The following JRK variants were observed in gnomAD, a reference collection of about 807,000 sequenced individuals.
JRK encodes jerky protein homolog.
For synonymous variants in JRK, 303 were observed against 218.1 expected, an observed-to-expected ratio of 1.39 and a Z score of -3.43; for missense variants, 720 against 509.2, an observed-to-expected ratio of 1.41 and a Z score of -3.98.
chr8:142,664,008 T>C lies in JRK; in HGVS notation c.*344A>G, dbSNP rs1847000676. 2 of 1,094,190 alleles carry C rather than the reference T, an allele frequency of 1.8e-6. No individual in the cohort carries two copies. Among genetic ancestry groups the C allele is most frequent in the African/African-American group, 3.3e-5 (2 of 61,256 alleles). The allele number at this position is 1,094,190 out of a possible 1,614,324, so 67.8% of individuals were successfully genotyped here. The stretch of plus-strand genomic sequence containing the variant: ...GACTGACATCTCCACCCTCTGATAC[T>C]GCAATGATCAGCCAGCGAACACGAG... On this transcript the variant is annotated 3_prime_UTR_variant, in exon 2 of 2. Transcript: ENST00000612905.
In JRK at chr8:142,665,407, C is replaced by A. The variant is rs984310022; in HGVS notation, c.652G>T (p.Val218Leu). 2 of 717,600 alleles carry A rather than the reference C, an allele frequency of 2.8e-6. No individual in the cohort carries two copies. Among genetic ancestry groups the A allele is most frequent in the Non-Finnish European group, 5.2e-6 (2 of 385,086 alleles). 44.5% of individuals were successfully genotyped at this position (717,600 alleles called of 1,614,324 possible). A position where few individuals can be genotyped will look rare whatever the true frequency, so the allele number is the denominator to read the frequency against. Reference sequence around the variant, plus strand: ...CCCGTGGCGTTGGCACACATCAGCACGGTCAGCCGGTCCTTGCCCTGCTTG... The same window carrying A: ...CCCGTGGCGTTGGCACACATCAGCAAGGTCAGCCGGTCCTTGCCCTGCTTG... Reference protein sequence around the residue: ...GPKQGKDRLTVLMCANATGSH... With the variant: ...GPKQGKDRLTLLMCANATGSH... The change falls in exon 2 of 2, where the codon GTG (valine) becomes TTG (leucine). Residue 218 changes from valine to leucine, a missense_variant. Physicochemically the swap from Val to Leu is conservative, Grantham distance 32 (BLOSUM62 1). Transcript: ENST00000612905.
At position 142,666,016 on chromosome 8, in the gene JRK, G is replaced by A. The variant is rs782664860; in HGVS notation, c.43C>T (p.Arg15Trp). The A allele has an allele frequency of 3.8e-5, 56 of 1,489,320 alleles. No homozygotes were observed. The highest frequency in any genetic ancestry group is 4.7e-5 in the Non-Finnish European group (50 of 1,067,150). 92.3% of individuals were successfully genotyped at this position (1,489,320 alleles called of 1,614,324 possible). A position where few individuals can be genotyped will look rare whatever the true frequency, so the allele number is the denominator to read the frequency against. Residue 15 changes from arginine to tryptophan, a missense_variant, in exon 2 of 2, where the codon CGG (arginine) becomes TGG (tryptophan). Coordinates refer to ENST00000612905, the MANE Select transcript of JRK (RefSeq NM_003724.4). The part of the protein sequence containing the change: ...PAAGKSRGEK[R>W]KRVVLTLKEK... ...TTCAGTGTCAGCACCACCCTCTTCC[G>A]CTTCTCCCCTCTGCTCTTCCCGGCA...
chr8:142,655,332 G>A (rs1554633516), downstream of JRK, among the ~76,000 whole-genome samples: 1 of 152,220 alleles, frequency 6.6e-6, no homozygotes, highest in Non-Finnish European at 1.5e-5. Context: ...GTGAAGGTTG[G>A]GCCCTGCAGA....
At position 142,664,710 on chromosome 8, in the gene JRK, C is replaced by T; in HGVS notation, c.1349G>A (p.Gly450Glu). ...WGVAGREAEG[G>E]RPPAATSPAE... ...TGGCGACGTGGCAGCAGGGGGCCGTCCCCCTTCTGCCTCCCTTCCCGCTAC... is the reference window on the plus strand; with the variant it reads ...TGGCGACGTGGCAGCAGGGGGCCGTTCCCCTTCTGCCTCCCTTCCCGCTAC... Residue 450 changes from glycine to glutamate, a missense_variant, in exon 2 of 2, where the codon GGA becomes GAA. Gly to Glu is a moderately conservative substitution (Grantham distance 98). Transcript: ENST00000612905. The T allele has an allele frequency of 1.9e-6, 3 of 1,606,336 alleles. No individual in the cohort carries two copies. The highest frequency in any genetic ancestry group is 2.5e-6 in the Non-Finnish European group (3 of 1,177,054).
chr8:142,655,739 C>T (rs1208515037), downstream of JRK, among the ~76,000 whole-genome samples: 1 of 152,206 alleles, frequency 6.6e-6, no homozygotes, highest in African/African-American at 2.4e-5. Flanking sequence ...CAGCACAGGT[C>T]CCACTAAGCG....
chr8:142,647,887 G>C, the JRK span, among the ~76,000 whole-genome samples: 1 of 152,244 alleles, frequency 6.6e-6, no homozygotes, highest in Non-Finnish European at 1.5e-5. Flanking sequence ...GACACTTGCT[G>C]AATGGCTTTG....
the JRK span, among the ~76,000 whole-genome samples, chr8:142,650,363 C>T: frequency 3.9e-5 from 6 of 152,066 alleles, no homozygotes; most frequent in Admixed American, 2.0e-4. Flanking sequence ...TGATTGGTTT[C>T]AAAATGTGAG....
In JRK at chr8:142,661,487, T is replaced by A; in HGVS notation, c.*2865A>T. ...GTGGAAAGAGGTTCTATTAGCAGGC[T>A]GGAAGCAGCCACAGAGGTCCCAAAC... On this transcript the variant is annotated 3_prime_UTR_variant, in exon 2 of 2. Transcript: ENST00000612905. 1.0e-6 allele frequency: 1 copy of A among 985,458 alleles called. No homozygotes were observed. 61.0% of individuals were successfully genotyped at this position (985,458 alleles called of 1,614,324 possible).
In JRK at chr8:142,665,241, T is replaced by C. The variant is rs1382751858; in HGVS notation, c.818A>G (p.His273Arg). ...CTCTCTCACCGAGGGCACAAAGATA[T>C]GATGGAACCAATCGGAAAAAATCTC... ...DKEIFSDWFH[H>R]IFVPSVREHF... The change falls in exon 2 of 2, where the codon CAT becomes CGT. Residue 273 changes from histidine (H) to arginine (R), a missense_variant. Transcript: ENST00000612905. 7 of 717,804 alleles carry C rather than the reference T, an allele frequency of 9.8e-6. No individual in the cohort carries two copies. Among genetic ancestry groups the C allele is most frequent in the East Asian group, 2.7e-5 (1 of 37,284 alleles). 44.5% of individuals were successfully genotyped at this position (717,804 alleles called of 1,614,324 possible). A position where few individuals can be genotyped will look rare whatever the true frequency, so the allele number is the denominator to read the frequency against.
At position 142,658,705 on chromosome 8, in the gene JRK, A is replaced by C; in HGVS notation, c.*5647T>G. 7.3e-7 allele frequency: 1 copy of C among 1,376,212 alleles called. No homozygotes were observed. The highest frequency in any genetic ancestry group is 9.6e-7 in the Non-Finnish European group (1 of 1,046,672). The allele number at this position is 1,376,212 out of a possible 1,614,324, so 85.3% of individuals were successfully genotyped here. On this transcript the variant is annotated 3_prime_UTR_variant, in exon 2 of 2. Coordinates refer to ENST00000612905, the MANE Select transcript of JRK (RefSeq NM_003724.4). ...CTGGGGGTCAGGGTTTCAACATATA[A>C]ACTTTGGGGGGGGACACAAACATGC...
the JRK span, among the ~76,000 whole-genome samples, chr8:142,652,139 T>C: frequency 9.2e-5 from 14 of 152,266 alleles, no homozygotes; most frequent in South Asian, 2.3e-3. Context: ...GCCATAAAGA[T>C]AACTCAAGCT....
rs587749525 is a variant in JRK at position 142,669,566 on chromosome 8, G to A, written c.-463+366C>T. ...AAAGTCTCGGTCTGGTTTTTTAAGG[G>A]CAAGCGGACCTCGTGACCAAGCCTC... On this transcript the variant is annotated intron_variant, in intron 1 of 1. Coordinates refer to ENST00000612905, the MANE Select transcript of JRK (RefSeq NM_003724.4). Among the ~76,000 whole-genome samples the A allele has an allele frequency of 9.1e-4, 138 of 152,306 alleles. No homozygotes were observed. The Middle Eastern group carries it at 0.01, about 11-fold the overall frequency.
In JRK at chr8:142,666,213, C is replaced by A. The variant is rs906859268; in HGVS notation, c.-155G>T. The A allele has an allele frequency of 2.2e-6, 3 of 1,368,200 alleles. No individual in the cohort carries two copies. The highest frequency in any genetic ancestry group is 3.0e-6 in the Non-Finnish European group (3 of 995,412). The allele number at this position is 1,368,200 out of a possible 1,614,324, so 84.8% of individuals were successfully genotyped here. A position where few individuals can be genotyped will look rare whatever the true frequency, so the allele number is the denominator to read the frequency against. ...CTGATCCTGAGCACAGGCCCCAGTC[C>A]CTCTCGGGTTTCTCACTCCACACGC... On this transcript the variant is annotated 5_prime_UTR_variant, in exon 2 of 2. Transcript: ENST00000612905.
In JRK at chr8:142,665,776, C is replaced by G. The variant is rs1283928169; in HGVS notation, c.283G>C (p.Glu95Gln). 3.9e-6 allele frequency: 3 copies of G among 777,628 alleles called. No individual in the cohort carries two copies. Among genetic ancestry groups the G allele is most frequent in the Non-Finnish European group, 7.2e-6 (3 of 416,708 alleles). The allele number at this position is 777,628 out of a possible 1,614,324, so 48.2% of individuals were successfully genotyped here. A position where few individuals can be genotyped will look rare whatever the true frequency, so the allele number is the denominator to read the frequency against. ...KLEHLDRVLY[E>Q]WFLGKRSEGV... Reference sequence around the variant, plus strand: ...TCGGAGCGCTTCCCCAGGAACCACTCGTACAGGACGCGGTCCAGGTGCTCC... The same window carrying G: ...TCGGAGCGCTTCCCCAGGAACCACTGGTACAGGACGCGGTCCAGGTGCTCC... Residue 95 changes from glutamate to glutamine, a missense_variant, in exon 2 of 2, where the codon GAG becomes CAG. Transcript: ENST00000612905.
In JRK at chr8:142,662,091, C is replaced by T; in HGVS notation, c.*2261G>A. 1 of 985,682 alleles carries T rather than the reference C, an allele frequency of 1.0e-6. No homozygotes were observed. The highest frequency in any genetic ancestry group is 1.2e-6 in the Non-Finnish European group (1 of 830,098). 61.1% of individuals were successfully genotyped at this position (985,682 alleles called of 1,614,324 possible). On this transcript the variant is annotated 3_prime_UTR_variant, in exon 2 of 2. Transcript: ENST00000612905. ...CACAAGGGCTGCACCTAGAGTCAGG[C>T]TCCAGGCCTTGCTGCAGTTGGTCTG... is the stretch of plus-strand genomic sequence containing the variant.
the JRK span, among the ~76,000 whole-genome samples, chr8:142,647,341 A>G: frequency 6.6e-6 from 1 of 152,178 alleles, no homozygotes; most frequent in African/African-American, 2.4e-5. Flanking sequence ...ACAGCAAAAT[A>G]AATGTTAAAT....
chr8:142,653,321 A>G (rs587703097), downstream of JRK, among the ~76,000 whole-genome samples: 1 of 152,130 alleles, frequency 6.6e-6, no homozygotes, highest in Admixed American at 6.5e-5. Flanking sequence ...AAGATTTTCA[A>G]CTTCCCCAAT....
chr8:142,669,503 G>GGGACAA (rs1367639121), intron 1 of JRK, among the ~76,000 whole-genome samples: 2 of 152,106 alleles, frequency 1.3e-5, no homozygotes, highest in Non-Finnish European at 2.9e-5. Flanking sequence ...AATTCAGTCT[G>GGGACAA]GGACAAGAAC....
chr8:142,658,699 C>T lies in JRK; in HGVS notation c.*5653G>A. ...ACCCTCCTGGGGGTCAGGGTTTCAA[C>T]ATATAAACTTTGGGGGGGGACACAA... is the stretch of plus-strand genomic sequence containing the variant. On this transcript the variant is annotated 3_prime_UTR_variant, in exon 2 of 2. Coordinates refer to ENST00000612905, the MANE Select transcript of JRK (RefSeq NM_003724.4). The T allele has an allele frequency of 7.5e-7, 1 of 1,339,448 alleles. No individual in the cohort carries two copies. Among genetic ancestry groups the T allele is most frequent in the Non-Finnish European group, 9.9e-7 (1 of 1,014,890 alleles). 83.0% of individuals were successfully genotyped at this position (1,339,448 alleles called of 1,614,324 possible).
Sources: allele counts gnomAD v4.1 joint callset (sites outside exome capture counted in the v4.1 genomes callset), GRCh38; gene constraint gnomAD v4.1.1; transcripts MANE v1.5; gene names NCBI Gene and HGNC (gene_info 2026-07-23, HGNC 2026-07-21).